RALGPS1: variants seen among roughly 807,000 people sequenced by gnomAD.
RALGPS1 encodes Ral GEF with PH domain and SH3 binding motif 1, also known as ras-specific guanine nucleotide-releasing factor RalGPS1.
A neutral mutation model predicts 78.8 loss-of-function variants in RALGPS1; 19 were observed. The ratio of observed to expected loss-of-function variants is 0.24; its 90% confidence interval spans 0.17 to 0.35. The LOEUF (loss-of-function observed/expected upper bound fraction) is 0.35, where lower values mean the gene tolerates loss of function less well. Among genes scored for constraint, RALGPS1 ranks in the 10% least tolerant of loss-of-function variants. The pLI is 1.00. For missense variants in RALGPS1, 454 were observed against 688.3 expected (o/e 0.66, Z 3.81); for synonymous variants, 228 against 256.3 (o/e 0.89, Z 1.06).
intron 8 of RALGPS1, among the ~76,000 whole-genome samples, chr9:127,099,628 G>T (rs1269596625): frequency 6.6e-6 from 1 of 152,190 alleles, no homozygotes; most frequent in Non-Finnish European, 1.5e-5. Flanking sequence ...CAGTTATTGG[G>T]GGTCTTCGAA....
At chr9:127,155,725 A>T (rs551393796) in intron 8 of RALGPS1, among the ~76,000 whole-genome samples, 1 of 152,274 alleles carries the variant, frequency 6.6e-6, no homozygotes, top group South Asian at 2.1e-4. Context: ...GTATGAGGGG[A>T]TAGGAAGCAC....
intron 4 of RALGPS1, among the ~76,000 whole-genome samples, chr9:127,013,664 C>T (rs2044559391): frequency 6.6e-6 from 1 of 152,160 alleles, no homozygotes; most frequent in South Asian, 2.1e-4. Context: ...AATCTCTGTC[C>T]ACATCCCTGA....
At chr9:127,001,538 T>C (rs1453987551) in intron 4 of RALGPS1, among the ~76,000 whole-genome samples, 3 of 152,180 alleles carry the variant, frequency 2.0e-5, no homozygotes, top group African/African-American at 4.8e-5. Context: ...TGTATGTCTA[T>C]TTACCTCCGT....
At chr9:127,045,833 C>T (rs1057241529) in intron 5 of RALGPS1, among the ~76,000 whole-genome samples, 3 of 150,872 alleles carry the variant, frequency 2.0e-5, no homozygotes, top group South Asian at 2.1e-4. Context: ...GACCTAGAAA[C>T]GATGATACCC....
chr9:126,979,934 G>T (rs978595490), intron 4 of RALGPS1, among the ~76,000 whole-genome samples: 4 of 152,162 alleles, frequency 2.6e-5, no homozygotes, highest in Non-Finnish European at 4.4e-5. Context: ...CTTGATGGGG[G>T]TCTGAAACCT....
At chr9:127,107,313 C>T (rs2054312392) in intron 8 of RALGPS1, among the ~76,000 whole-genome samples, 2 of 152,140 alleles carry the variant, frequency 1.3e-5, no homozygotes, top group Admixed American at 6.5e-5. Context: ...TCCCCCATAA[C>T]GGTATTCGGA....
chr9:127,175,514 G>T (rs955519724), intron 11 of RALGPS1, among the ~76,000 whole-genome samples: 1 of 151,938 alleles, frequency 6.6e-6, no homozygotes, highest in Non-Finnish European at 1.5e-5. Context: ...GACTCTCAAC[G>T]ACAGGAGCTG....
chr9:127,187,551 T>C (rs1278043390), intron 11 of RALGPS1, among the ~76,000 whole-genome samples: 2 of 152,218 alleles, frequency 1.3e-5, no homozygotes, highest in African/African-American at 2.4e-5. Flanking sequence ...ATTATAATTA[T>C]CATCATTATT....
chr9:127,044,534 G>A (rs974377596), intron 5 of RALGPS1, among the ~76,000 whole-genome samples: 15 of 152,152 alleles, frequency 9.9e-5, no homozygotes, highest in African/African-American at 3.6e-4. Flanking sequence ...GGGATTACAG[G>A]CATGAGTCAC....
chr9:126,918,788 T>C (rs1181799057), intron 1 of RALGPS1, among the ~76,000 whole-genome samples: 4 of 151,634 alleles, frequency 2.6e-5, no homozygotes, highest in Non-Finnish European at 5.9e-5. Flanking sequence ...TTCTCCTGCC[T>C]CAGCCTCCAG....
chr9:127,007,952 G>A (rs2043994439), intron 4 of RALGPS1, among the ~76,000 whole-genome samples: 1 of 152,164 alleles, frequency 6.6e-6, no homozygotes, highest in South Asian at 2.1e-4. Flanking sequence ...CTTTCCTGTG[G>A]TCTAGGTGAA....
At chr9:127,084,179 G>A (rs1029177484) in intron 8 of RALGPS1, among the ~76,000 whole-genome samples, 5 of 151,972 alleles carry the variant, frequency 3.3e-5, no homozygotes, top group African/African-American at 7.3e-5. Flanking sequence ...CTCCCACCTC[G>A]ACCTCCCAAA....
chr9:127,002,433 C>CTTTTTTTTTTTTTTTTTTTTTTT (rs11380006), intron 4 of RALGPS1, among the ~76,000 whole-genome samples: 2 of 117,426 alleles, frequency 1.7e-5, no homozygotes, highest in Admixed American at 8.4e-5. Flanking sequence ...CACAAACATT[C>CTTTTTTTTTTTTTTTTTTTTTTT]TTTTTTTTTT....
chr9:127,136,207 G>GAGAGA (rs1335130643), intron 8 of RALGPS1, among the ~76,000 whole-genome samples: 8 of 152,342 alleles, frequency 5.3e-5, no homozygotes, highest in Non-Finnish European at 1.0e-4. Flanking sequence ...CACACTCTCT[G>GAGAGA]AGAGAAGTGG....
intron 8 of RALGPS1, among the ~76,000 whole-genome samples, chr9:127,138,300 T>C (rs977221848): frequency 6.6e-6 from 1 of 152,176 alleles, no homozygotes; most frequent in Non-Finnish European, 1.5e-5. Context: ...CAGCAATTTG[T>C]CCGTGGCTGC....
At chr9:127,169,938 TTC>T (rs2059481106) in intron 10 of RALGPS1, among the ~76,000 whole-genome samples, 1 of 152,224 alleles carries the variant, frequency 6.6e-6, no homozygotes, top group Admixed American at 6.5e-5. Context: ...TTGTAATATT[TTC>T]AACTTATGAT....
At chr9:127,097,469 C>T (rs2053266770) in intron 8 of RALGPS1, among the ~76,000 whole-genome samples, 1 of 152,248 alleles carries the variant, frequency 6.6e-6, no homozygotes, top group African/African-American at 2.4e-5. Flanking sequence ...TCCCTTAGAA[C>T]CCTTAGTAGA....
At chr9:126,922,978 A>G (rs1419855108) in intron 1 of RALGPS1, among the ~76,000 whole-genome samples, 2 of 152,214 alleles carry the variant, frequency 1.3e-5, no homozygotes, top group Non-Finnish European at 2.9e-5. Flanking sequence ...CTGGTGCAGT[A>G]CAGTCCCATC....
chr9:126,925,729 T>C (rs955329820), intron 1 of RALGPS1, among the ~76,000 whole-genome samples: 12 of 152,010 alleles, frequency 7.9e-5, no homozygotes, highest in African/African-American at 2.9e-4. Flanking sequence ...ATAGCACTGA[T>C]GTCTGCAAAA....
Sources: allele counts gnomAD v4.1 joint callset (sites outside exome capture counted in the v4.1 genomes callset), GRCh38; gene constraint gnomAD v4.1.1; transcripts MANE v1.5; gene names NCBI Gene and HGNC (gene_info 2026-07-23, HGNC 2026-07-21).